Variants in PPARGC1A observed in about 807,000 individuals in gnomAD.
PPARGC1A encodes the protein PPARG coactivator 1 alpha.
PPARGC1A carries 25 observed loss-of-function variants against 88.7 expected under a neutral mutation model. The observed-to-expected ratio is 0.28, with a 90% CI of 0.21 to 0.39. The LOEUF is 0.39. Among genes scored for constraint, PPARGC1A ranks in the 10% least tolerant of loss-of-function variants. The pLI, the probability that PPARGC1A is intolerant of heterozygous loss-of-function variation, is 1.00. For synonymous variants in PPARGC1A, 363 were observed against 355.6 expected, an observed-to-expected ratio of 1.02 and a Z score of -0.24; for missense variants, 880 against 968.7, an observed-to-expected ratio of 0.91 and a Z score of 1.22.
At chr4:24,427,624 G>T in the PPARGC1A span, among the ~76,000 whole-genome samples, 1 of 152,162 alleles carries the variant, frequency 6.6e-6, no homozygotes, top group African/African-American at 2.4e-5. Context: ...CACAGCTGCA[G>T]CGTGCCATAG....
chr4:24,191,671 A>G, the PPARGC1A span, among the ~76,000 whole-genome samples: 1 of 152,204 alleles, frequency 6.6e-6, no homozygotes, highest in Admixed American at 6.5e-5. Context: ...AAGAAAAAAA[A>G]GAAGGAAAAG....
In PPARGC1A at chr4:23,795,835, C is replaced by A; in HGVS notation, c.2384G>T (p.Ser795Ile). ...CTAGGGAACATGTTACCTGCGCAAGCTTCTCTGAGCTTCTTTCAGTAAACT... is the reference window on the plus strand; with the variant it reads ...CTAGGGAACATGTTACCTGCGCAAGATTCTCTGAGCTTCTTTCAGTAAACT... The part of the protein sequence containing the change: ...FDSLLKEAQR[S>I]LRR The change falls in exon 13 of 13, where the codon AGC (serine) becomes ATC (isoleucine). Residue 795 changes from serine (S) to isoleucine (I), a missense_variant. Transcript: ENST00000264867. 1 of 1,610,546 alleles carries A rather than the reference C, an allele frequency of 6.2e-7. No homozygotes were observed. Among genetic ancestry groups the A allele is most frequent in the South Asian group, 1.1e-5 (1 of 90,648 alleles).
At chr4:24,426,206 A>G in the PPARGC1A span, among the ~76,000 whole-genome samples, 2 of 152,200 alleles carry the variant, frequency 1.3e-5, no homozygotes, top group African/African-American at 4.8e-5. Flanking sequence ...TCCAGAACAT[A>G]TACTATTGAT....
chr4:24,004,095 A>G, the PPARGC1A span, among the ~76,000 whole-genome samples: 1 of 152,218 alleles, frequency 6.6e-6, no homozygotes, highest in South Asian at 2.1e-4. Context: ...CAGAGGCAAG[A>G]TGAAACTGAT....
the PPARGC1A span, among the ~76,000 whole-genome samples, chr4:24,395,361 C>G: frequency 3.3e-5 from 5 of 152,180 alleles, no homozygotes; most frequent in Non-Finnish European, 7.3e-5. Context: ...GCCCACAGGT[C>G]TTAGGTTATC....
At chr4:24,445,584 G>T in the PPARGC1A span, among the ~76,000 whole-genome samples, 2 of 152,126 alleles carry the variant, frequency 1.3e-5, no homozygotes, top group East Asian at 3.8e-4. Context: ...GTGAAGCTTC[G>T]CACTGAAAGT....
the PPARGC1A span, among the ~76,000 whole-genome samples, chr4:24,360,515 G>A: frequency 2.0e-5 from 3 of 152,074 alleles, no homozygotes; most frequent in African/African-American, 7.2e-5. Flanking sequence ...ATATGTGTTT[G>A]TGTGTTGTCT....
At chr4:23,877,059 T>C (rs1714845183) in intron 2 of PPARGC1A, among the ~76,000 whole-genome samples, 1 of 152,166 alleles carries the variant, frequency 6.6e-6, no homozygotes, top group Non-Finnish European at 1.5e-5. Flanking sequence ...AATGGCTTAA[T>C]GGATAAGAAG....
the PPARGC1A span, among the ~76,000 whole-genome samples, chr4:24,098,615 T>G: frequency 6.6e-6 from 1 of 152,186 alleles, no homozygotes; most frequent in Non-Finnish European, 1.5e-5. Context: ...ATCGCTTAAG[T>G]GAGAAATAAC....
chr4:23,839,067 C>A lies in PPARGC1A; in HGVS notation c.235-7316G>T. On this transcript the variant is annotated intron_variant, in intron 2 of 12. Coordinates refer to ENST00000264867, the MANE Select transcript of PPARGC1A (RefSeq NM_013261.5). Reference sequence around the variant, plus strand: ...AAGAATTCACAGACATAATTAGACCCATGGGAATCCATTTAATTCCAATTA... The same window carrying A: ...AAGAATTCACAGACATAATTAGACCAATGGGAATCCATTTAATTCCAATTA... Among the ~76,000 whole-genome samples the A allele has an allele frequency of 1.3e-5, 2 of 152,068 alleles. 1 individual carries two copies.
At chr4:23,820,517 AG>A (rs1467502644) in intron 7 of PPARGC1A, 2 of 287,218 alleles carry the variant, frequency 7.0e-6, no homozygotes, top group African/African-American at 4.5e-5. Context: ...GAAACAAAAA[AG>A]TGTAGCACTC....
At chr4:23,933,221 T>C in the PPARGC1A span, among the ~76,000 whole-genome samples, 1 of 152,192 alleles carries the variant, frequency 6.6e-6, no homozygotes, top group Non-Finnish European at 1.5e-5. Context: ...GTCTACCTCT[T>C]TCCTTTGTTA....
At chr4:23,985,565 G>A in the PPARGC1A span, among the ~76,000 whole-genome samples, 2 of 151,174 alleles carry the variant, frequency 1.3e-5, no homozygotes, top group African/African-American at 4.9e-5. Context: ...CAGACATGTA[G>A]TAAGCAGAGA....
chr4:24,296,873 C>T, the PPARGC1A span, among the ~76,000 whole-genome samples: 4 of 152,202 alleles, frequency 2.6e-5, no homozygotes, highest in African/African-American at 9.7e-5. Flanking sequence ...ATACGAAGTT[C>T]TGTCTTACTG....
chr4:24,145,224 A>G, the PPARGC1A span, among the ~76,000 whole-genome samples: 2 of 152,080 alleles, frequency 1.3e-5, no homozygotes, highest in African/African-American at 4.8e-5. Flanking sequence ...AGGAATGAAG[A>G]GATGAACCAC....
the PPARGC1A span, among the ~76,000 whole-genome samples, chr4:24,136,006 C>T: frequency 6.6e-6 from 1 of 152,168 alleles, no homozygotes; most frequent in Admixed American, 6.5e-5. Flanking sequence ...GGGTACGCTT[C>T]CTCCCTGACG....
At chr4:23,810,924 A>G (rs1245020331) in intron 10 of PPARGC1A, among the ~76,000 whole-genome samples, 1 of 152,212 alleles carries the variant, frequency 6.6e-6, no homozygotes, top group South Asian at 2.1e-4. Flanking sequence ...AATTAAATAC[A>G]GTGATATTAG....
chr4:24,057,152 C>A, the PPARGC1A span, among the ~76,000 whole-genome samples: 1 of 152,110 alleles, frequency 6.6e-6, no homozygotes. Flanking sequence ...CGTACTACAG[C>A]TTGGATGAAA....
the PPARGC1A span, among the ~76,000 whole-genome samples, chr4:24,037,389 T>G: frequency 6.6e-6 from 1 of 152,182 alleles, no homozygotes; most frequent in Non-Finnish European, 1.5e-5. Flanking sequence ...TTAATTACAT[T>G]TGAGTTAGCT....
Sources: gnomAD v4.1 joint callset for allele counts (sites outside exome capture counted in the v4.1 genomes callset) on GRCh38, gnomAD v4.1.1 for gene constraint, MANE v1.5 for transcripts, NCBI Gene and HGNC (gene_info 2026-07-23, HGNC 2026-07-21) for gene names.